Variants in SSBP1 observed in about 807,000 individuals in gnomAD.
The protein encoded by SSBP1 is single-stranded DNA-binding protein, mitochondrial.
In SSBP1, 20 loss-of-function variants were observed where a neutral mutation model predicts 27.0. The ratio of observed to expected loss-of-function variants is 0.74; its 90% CI spans 0.52 to 1.08. The LOEUF is 1.08. Among genes scored for constraint, SSBP1 ranks in the 50% least tolerant of loss-of-function variants. The probability of loss-of-function intolerance (pLI) is 0.00; values close to 1 mark genes in which losing one functional copy is unlikely to be tolerated. For missense variants in SSBP1, 137 were observed against 182.4 expected (o/e 0.75, Z 1.44); for synonymous variants, 59 against 59.3 (o/e 1.00, Z 0.02).
At chr7:141,749,808 G>C (rs1003113500) in intron 6 of SSBP1, among the ~76,000 whole-genome samples, 9 of 152,124 alleles carry the variant, frequency 5.9e-5, no homozygotes, top group Admixed American at 2.0e-4. Flanking sequence ...ATTCTGTATT[G>C]TAATTTAAAA....
At position 141,739,189 on chromosome 7, in the gene SSBP1, A is replaced by C; in HGVS notation, c.23A>C (p.Gln8Pro). MFRRPVL[Q>P]VLRQFVRHES... ...GCCATGTTTCGAAGACCTGTATTAC[A>C]GGTAGTCACTTGTCTGTATTAATAC... The change falls in exon 2 of 7, where the codon CAG becomes CCG. Residue 8 changes from glutamine to proline, a missense_variant and splice_region_variant. By Grantham distance (76) the Gln-to-Pro change is moderately conservative. This residue lies in a region of SSBP1 where 42 missense variants were observed against 30.4 expected (regional missense o/e 1.38). Coordinates refer to ENST00000265304, the MANE Select transcript of SSBP1 (RefSeq NM_003143.3). 1 of 1,601,852 alleles carries C rather than the reference A, an allele frequency of 6.2e-7. No homozygotes were observed. Among genetic ancestry groups the C allele is most frequent in the Admixed American group, 1.7e-5 (1 of 58,194 alleles).
intron 3 of SSBP1, among the ~76,000 whole-genome samples, chr7:141,742,461 C>A (rs1799578570): frequency 6.6e-6 from 1 of 152,180 alleles, no homozygotes; most frequent in Non-Finnish European, 1.5e-5. Flanking sequence ...CACTGTCCTG[C>A]ATAAGAATTT....
At chr7:141,750,042 T>C (rs566194675) in intron 6 of SSBP1, among the ~76,000 whole-genome samples, 1 of 152,262 alleles carries the variant, frequency 6.6e-6, no homozygotes, top group Non-Finnish European at 1.5e-5. Context: ...CAGGAAATTG[T>C]TTCTGAGAAG....
intron 3 of SSBP1, 69 bp from the exon 4 acceptor site, chr7:141,743,492 T>C (rs1799647212): frequency 7.1e-6 from 11 of 1,557,620 alleles, no homozygotes; most frequent in Admixed American, 1.9e-5. Context: ...CATACAAATT[T>C]TGGGGGAAGG....
At chr7:141,738,762 C>CT in intron 1 of SSBP1, 1 of 164,586 alleles carries the variant, frequency 6.1e-6, no homozygotes, top group Non-Finnish European at 1.3e-5. Flanking sequence ...GCATTAAGAA[C>CT]TTTTTTAGAA....
At chr7:141,741,545 A>G (rs1453130950) in intron 2 of SSBP1, 1 of 152,224 alleles carries the variant, frequency 6.6e-6, no homozygotes, top group Non-Finnish European at 1.5e-5. Context: ...TAAATTATTA[A>G]TTATAAAGCA....
chr7:141,739,709 C>G (rs1470488084), intron 2 of SSBP1: 1 of 152,204 alleles, frequency 6.6e-6, no homozygotes, highest in African/African-American at 2.4e-5. Context: ...CTTGAGCCAG[C>G]TTAGACTACC....
chr7:141,742,661 A>T (rs1161191239), intron 3 of SSBP1, among the ~76,000 whole-genome samples: 1 of 152,170 alleles, frequency 6.6e-6, no homozygotes. Flanking sequence ...TAGAGCTTAC[A>T]GTTTGTTTTG....
intron 1 of SSBP1, 23 bp from the exon 2 acceptor site, chr7:141,739,101 C>T: frequency 6.9e-7 from 1 of 1,442,792 alleles, no homozygotes; most frequent in Admixed American, 2.2e-5. Context: ...ATGTTTTTTT[C>T]TTATTTTGTT....
At position 141,744,727 on chromosome 7, in the gene SSBP1, A is replaced by C. The variant is rs573293128; in HGVS notation, c.314+738A>C. 2.6e-5 allele frequency among the ~76,000 whole-genome samples: 4 copies of C among 152,340 alleles called. No homozygotes were observed. In the South Asian group the frequency reaches 8.3e-4, roughly 32 times the overall value. On this transcript the variant is annotated intron_variant, in intron 5 of 6. Transcript: ENST00000265304. ...TCATTGCCCTTTATGTATGTTTATG[A>C]ATATGTGCACATACACACACAAACA... is the stretch of plus-strand genomic sequence containing the variant.
At chr7:141,749,255 C>T (rs1799887459) in intron 6 of SSBP1, among the ~76,000 whole-genome samples, 1 of 152,122 alleles carries the variant, frequency 6.6e-6, no homozygotes, top group Non-Finnish European at 1.5e-5. Flanking sequence ...TATGTGATTA[C>T]TATACCATTT....
At chr7:141,743,311 C>T (rs545827549) in intron 3 of SSBP1, among the ~76,000 whole-genome samples, 2 of 152,324 alleles carry the variant, frequency 1.3e-5, no homozygotes, top group East Asian at 3.9e-4. Context: ...GGCTGTCTTC[C>T]TGGCTTGCAG....
At position 141,742,211 on chromosome 7, in the gene SSBP1, A is replaced by G. The variant is rs1393229553; in HGVS notation, c.67A>G (p.Ser23Gly). 4.4e-6 allele frequency: 7 copies of G among 1,604,958 alleles called. No homozygotes were observed. The highest frequency in any genetic ancestry group is 6.0e-6 in the Non-Finnish European group (7 of 1,172,586). ...AAGACATGAGTCCGAAACAACTACC[A>G]GTTTGGTTCTTGAAAGATGTAAGTA... ...FVRHESETTT[S>G]LVLERSLNRV... Residue 23 changes from serine to glycine, a missense_variant, in exon 3 of 7, where the codon AGT becomes GGT. Coordinates refer to ENST00000265304, the MANE Select transcript of SSBP1 (RefSeq NM_003143.3).
chr7:141,743,620 G>A lies in SSBP1; in HGVS notation c.145G>A (p.Glu49Lys). ...VGQDPVLRQV[E>K]GKNPVTIFSL... ...TCAGGACCCTGTCTTGAGACAGGTG[G>A]AAGGAAAAAATCCAGTCACAATATT... Residue 49 changes from glutamate (E) to lysine (K), a missense_variant, in exon 4 of 7, where the codon GAA (glutamate) becomes AAA (lysine). Coordinates refer to ENST00000265304, the MANE Select transcript of SSBP1 (RefSeq NM_003143.3). 6.2e-7 allele frequency: 1 copy of A among 1,614,156 alleles called. No homozygotes were observed. Among genetic ancestry groups the A allele is most frequent in the Non-Finnish European group, 8.5e-7 (1 of 1,180,022 alleles).
intron 6 of SSBP1, 72 bp downstream of exon 6, chr7:141,745,656 A>G: frequency 6.3e-7 from 1 of 1,590,530 alleles, no homozygotes; most frequent in Non-Finnish European, 8.6e-7. Context: ...GCTACACTGT[A>G]ACTAACTAGG....
chr7:141,740,352 T>C (rs1799480959), intron 2 of SSBP1: 1 of 152,234 alleles, frequency 6.6e-6, no homozygotes. Context: ...ATAGAATGGC[T>C]AGCTCTCTGA....
At chr7:141,742,143 C>T in intron 2 of SSBP1, 26 bp from the exon 3 acceptor site, 1 of 1,553,018 alleles carries the variant, frequency 6.4e-7, no homozygotes, top group Non-Finnish European at 8.8e-7. Flanking sequence ...AAATTAAAGC[C>T]ATGTTATTCA....
chr7:141,747,314 G>A (rs1456809149), intron 6 of SSBP1, among the ~76,000 whole-genome samples: 1 of 150,956 alleles, frequency 6.6e-6, no homozygotes, highest in Non-Finnish European at 1.5e-5. Context: ...ATAAATACAT[G>A]GCAATAAACT....
chr7:141,742,334 T>C (rs1303884211), intron 3 of SSBP1, 105 bp downstream of exon 3: 1 of 787,182 alleles, frequency 1.3e-6, no homozygotes, highest in Non-Finnish European at 2.1e-6. Context: ...GTTGCCATTG[T>C]GCTTTTAGCT....
Sources: allele counts gnomAD v4.1 joint callset (sites outside exome capture counted in the v4.1 genomes callset), GRCh38; gene constraint gnomAD v4.1.1; regional missense constraint gnomAD v4.1.1; transcripts MANE v1.5; gene names NCBI Gene and HGNC (gene_info 2026-07-23, HGNC 2026-07-21).